DNAH6: variants seen among roughly 807,000 people sequenced by gnomAD.
The protein encoded by DNAH6 is axonemal beta dynein heavy chain 6.
A neutral mutation model predicts 491.4 loss-of-function variants in DNAH6; 340 were observed. The observed-to-expected ratio is 0.69, with a 90% confidence interval of 0.63 to 0.76. DNAH6 has a LOEUF of 0.76. DNAH6 is among the 30% of genes least tolerant of loss of function. DNAH6 has a pLI of 0.00. For synonymous variants in DNAH6, 1,603 were observed against 1,686.1 expected, an observed-to-expected ratio of 0.95 and a Z score of 1.21; for missense variants, 4,443 against 4,972.2, an observed-to-expected ratio of 0.89 and a Z score of 3.20.
chr2:84,555,134 A>G (rs79984236), intron 10 of DNAH6, among the ~76,000 whole-genome samples: 3,584 of 152,352 alleles, frequency 0.024, 58 homozygotes, highest in Middle Eastern at 0.092. Context: ...ATTAGCCTTA[A>G]TCATTCCCAA....
the DNAH6 span, among the ~76,000 whole-genome samples, chr2:84,486,219 A>G: frequency 6.6e-6 from 1 of 152,090 alleles, no homozygotes; most frequent in Non-Finnish European, 1.5e-5. Flanking sequence ...ACTACCCTTA[A>G]ACTACTCAAC....
At chr2:84,734,925 A>T (rs906459789) in intron 62 of DNAH6, among the ~76,000 whole-genome samples, 1 of 151,996 alleles carries the variant, frequency 6.6e-6, no homozygotes, top group Admixed American at 6.6e-5. Context: ...TGAATCAGGG[A>T]GTACGTGTGC....
the DNAH6 span, among the ~76,000 whole-genome samples, chr2:84,468,243 A>G: frequency 2.0e-5 from 3 of 152,324 alleles, no homozygotes; most frequent in Admixed American, 2.0e-4. Context: ...TAAACATTAC[A>G]CACAACACAT....
chr2:84,778,530 C>G (rs1311494671), intron 64 of DNAH6, among the ~76,000 whole-genome samples: 3 of 150,908 alleles, frequency 2.0e-5, no homozygotes, highest in Non-Finnish European at 4.4e-5. Context: ...GACAGGGTCT[C>G]ACTCTGTTGC....
rs1699285948 is a variant in DNAH6, at chr2:84,733,525, G to A, written c.10288G>A (p.Val3430Ile). 4 of 1,551,608 alleles carry A rather than the reference G, an allele frequency of 2.6e-6. No individual in the cohort carries two copies. In the East Asian group the frequency reaches 9.8e-5, roughly 38 times the overall value. Reference protein sequence around the residue: ...ACCDLEESFPVFHGLTQNILS... With the variant: ...ACCDLEESFPIFHGLTQNILS... Reference sequence around the variant, plus strand: ...CTGTGACTTGGAAGAATCATTTCCAGTTTTTCACGGACTTACCCAAAATAT... The same window carrying A: ...CTGTGACTTGGAAGAATCATTTCCAATTTTTCACGGACTTACCCAAAATAT... The change falls in exon 62 of 77, where the codon GTT becomes ATT. Residue 3430 changes from valine (V) to isoleucine (I), a missense_variant. Physicochemically the swap from Val to Ile is conservative, Grantham distance 29. Around this residue, in one of 3 missense-constraint regions of DNAH6, gnomAD observed 1,463 missense variants for 1,656.6 expected, o/e 0.88. Transcript: ENST00000389394.
chr2:84,633,212 G>A (rs866546150), intron 29 of DNAH6, among the ~76,000 whole-genome samples: 134 of 152,136 alleles, frequency 8.8e-4, no homozygotes, highest in African/African-American at 3.1e-3. Context: ...TTTGAATCTC[G>A]GCGACTGAAG....
intron 23 of DNAH6, among the ~76,000 whole-genome samples, chr2:84,619,436 ATATC>A (rs1434001003): frequency 6.6e-6 from 1 of 152,164 alleles, no homozygotes; most frequent in Admixed American, 6.6e-5. Flanking sequence ...TTTATGAACA[ATATC>A]TATCTTTTAT....
chr2:84,513,084 G>T (rs562690003), upstream of DNAH6, among the ~76,000 whole-genome samples: 1 of 147,942 alleles, frequency 6.8e-6, no homozygotes, highest in East Asian at 2.0e-4. Flanking sequence ...TTTTTTAAGT[G>T]TACCATTTTG....
chr2:84,557,343 A>T (rs1170651629), intron 10 of DNAH6, among the ~76,000 whole-genome samples: 4 of 152,196 alleles, frequency 2.6e-5, no homozygotes, highest in Admixed American at 6.5e-5. Context: ...TTAGCATTTC[A>T]TAAAATTCAA....
chr2:84,570,873 A>G (rs1419423203), intron 11 of DNAH6, among the ~76,000 whole-genome samples: 1 of 152,172 alleles, frequency 6.6e-6, no homozygotes, highest in Non-Finnish European at 1.5e-5. Flanking sequence ...TAAGAGCTGT[A>G]ACACTTACTG....
At chr2:84,570,522 A>C (rs1681688203) in intron 11 of DNAH6, among the ~76,000 whole-genome samples, 1 of 152,238 alleles carries the variant, frequency 6.6e-6, no homozygotes, top group South Asian at 2.1e-4. Flanking sequence ...TAAAGGCACC[A>C]GTCAGCACTC....
intron 45 of DNAH6, among the ~76,000 whole-genome samples, chr2:84,693,173 A>G (rs568404988): frequency 6.6e-6 from 1 of 151,860 alleles, no homozygotes; most frequent in Non-Finnish European, 1.5e-5. Flanking sequence ...CTGGGATGCC[A>G]TTTGTTTCTC....
chr2:84,718,521 C>T (rs1045829270), intron 59 of DNAH6, 137 bp downstream of exon 59: 2 of 610,088 alleles, frequency 3.3e-6, no homozygotes, highest in African/African-American at 3.9e-5. Context: ...AGACGGGTGC[C>T]TGCCTGTCAG....
chr2:84,617,243 G>A (rs143322671), intron 23 of DNAH6, among the ~76,000 whole-genome samples: 14 of 152,108 alleles, frequency 9.2e-5, no homozygotes, highest in African/African-American at 3.1e-4. Flanking sequence ...TATTGTAGGT[G>A]TGTTATGGGG....
At chr2:84,534,649 A>T (rs1031919465) in intron 4 of DNAH6, among the ~76,000 whole-genome samples, 1 of 152,084 alleles carries the variant, frequency 6.6e-6, no homozygotes, top group African/African-American at 2.4e-5. Flanking sequence ...TTCCTAAAAA[A>T]ATAAGCAACA....
chr2:84,585,760 G>A (rs954925932), intron 15 of DNAH6, among the ~76,000 whole-genome samples: 1 of 152,018 alleles, frequency 6.6e-6, no homozygotes, highest in Non-Finnish European at 1.5e-5. Context: ...GAGGGTAGCT[G>A]CCCTCTGCAG....
In DNAH6 at chr2:84,717,613, T is replaced by G. The variant is rs192959551; in HGVS notation, c.9612-591T>G. 1.0e-3 allele frequency among the ~76,000 whole-genome samples: 153 copies of G among 152,306 alleles called. 1 individual carries two copies. Among genetic ancestry groups the G allele is most frequent in the African/African-American group, 3.6e-3 (148 of 41,568 alleles). Reference sequence around the variant, plus strand: ...TTAATAGATAATCCACGTAAAACTCTTAGCAGGGTGCATTGCATAGAGTAG... The same window carrying G: ...TTAATAGATAATCCACGTAAAACTCGTAGCAGGGTGCATTGCATAGAGTAG... On this transcript the variant is annotated intron_variant, in intron 58 of 76. Coordinates refer to ENST00000389394, the MANE Select transcript of DNAH6 (RefSeq NM_001370.2).
chr2:84,602,797 G>GT (rs70949898), intron 18 of DNAH6, among the ~76,000 whole-genome samples: 96,328 of 121,734 alleles, frequency 0.79, 39,853 homozygotes, highest in East Asian at 0.93. Context: ...TGGATGCTCT[G>GT]TTTTTTTTTT....
intron 62 of DNAH6, among the ~76,000 whole-genome samples, chr2:84,735,620 G>C (rs764376345): frequency 1.3e-5 from 2 of 151,998 alleles, no homozygotes; most frequent in Non-Finnish European, 2.9e-5. Context: ...TTGTGGTTTT[G>C]ATTTGCATTT....
Sources: allele counts gnomAD v4.1 joint callset (sites outside exome capture counted in the v4.1 genomes callset), GRCh38; gene constraint gnomAD v4.1.1; regional missense constraint gnomAD v4.1.1; transcripts MANE v1.5; gene names NCBI Gene and HGNC (gene_info 2026-07-23, HGNC 2026-07-21).